CTTNBP2NL: variants seen among roughly 807,000 people sequenced by gnomAD.
The protein encoded by CTTNBP2NL is CTTNBP2 N-terminal like, also known as CTTNBP2 N-terminal-like protein.
In CTTNBP2NL, 16 loss-of-function variants were observed where a neutral mutation model predicts 32.5. The ratio of observed to expected loss-of-function variants is 0.49; its 90% confidence interval spans 0.33 to 0.75. The LOEUF (loss-of-function observed/expected upper bound fraction) is 0.75. Ranked by LOEUF, CTTNBP2NL falls within the 30% of genes least tolerant of loss-of-function variation. The pLI, the probability that CTTNBP2NL is intolerant of heterozygous loss-of-function variation, is 0.02. For synonymous variants in CTTNBP2NL, 298 were observed against 289.4 expected (o/e 1.03, Z -0.30); for missense variants, 645 against 756.0 (o/e 0.85, Z 1.72).
chr1:112,410,582 C>T (rs1249941644), intron 1 of CTTNBP2NL, among the ~76,000 whole-genome samples: 2 of 152,046 alleles, frequency 1.3e-5, no homozygotes, highest in Non-Finnish European at 2.9e-5. Flanking sequence ...GATAATGTAT[C>T]CAGATAATTT....
At chr1:112,423,721 A>T (rs751537578) in intron 3 of CTTNBP2NL, among the ~76,000 whole-genome samples, 1 of 151,774 alleles carries the variant, frequency 6.6e-6, no homozygotes, top group Non-Finnish European at 1.5e-5. Context: ...CAATTTATCA[A>T]TTTTTTTTGT....
At chr1:112,450,653 A>C (rs1385773739) in intron 4 of CTTNBP2NL, among the ~76,000 whole-genome samples, 1 of 152,200 alleles carries the variant, frequency 6.6e-6, no homozygotes, top group African/African-American at 2.4e-5. Context: ...TTGTGTTTCT[A>C]GGTGATTGGA....
chr1:112,394,287 C>G (rs1648257863), upstream of CTTNBP2NL, among the ~76,000 whole-genome samples: 1 of 151,958 alleles, frequency 6.6e-6, no homozygotes, highest in Non-Finnish European at 1.5e-5. Context: ...CAGAAGCCAG[C>G]AGAAAATAGC....
At chr1:112,403,509 A>G (rs764188719) in intron 1 of CTTNBP2NL, among the ~76,000 whole-genome samples, 2 of 152,234 alleles carry the variant, frequency 1.3e-5, no homozygotes, top group Non-Finnish European at 2.9e-5. Flanking sequence ...ATATGTAAAC[A>G]GATGAATTGA....
Position 112,437,667 on chromosome 1 carries a change from G to A in CTTNBP2NL, c.100-11275G>A, listed in dbSNP as rs1649777555. ...GCCTCCCAAGTAGCTGGGACTACAG[G>A]TGCCCACCAGCACACCCAGCTAATT... On this transcript the variant is annotated intron_variant, in intron 3 of 5. Coordinates refer to ENST00000271277, the MANE Select transcript of CTTNBP2NL (RefSeq NM_018704.3). Among the ~76,000 whole-genome samples the A allele has an allele frequency of 2.0e-5, 3 of 152,134 alleles. No individual in the cohort carries two copies. In the South Asian group the frequency reaches 6.2e-4, roughly 32 times the overall value.
At chr1:112,427,895 CAA>C (rs34043965) in intron 3 of CTTNBP2NL, among the ~76,000 whole-genome samples, 1 of 132,912 alleles carries the variant, frequency 7.5e-6, no homozygotes, top group Admixed American at 7.6e-5. Context: ...GACTCTGTCT[CAA>C]AAAAAAAAAA....
At chr1:112,430,538 A>G (rs1324716836) in intron 3 of CTTNBP2NL, among the ~76,000 whole-genome samples, 1 of 127,282 alleles carries the variant, frequency 7.9e-6, no homozygotes, top group Non-Finnish European at 1.6e-5. Context: ...GCACCAGGCC[A>G]TAGCTAGCTT....
At chr1:112,393,372 G>A (rs1223937326), upstream of CTTNBP2NL, among the ~76,000 whole-genome samples, 3 of 152,096 alleles carry the variant, frequency 2.0e-5, no homozygotes, top group Non-Finnish European at 4.4e-5. Flanking sequence ...GAAAAAAATT[G>A]ACACAATCTA....
At chr1:112,439,981 C>A (rs1649850890) in intron 3 of CTTNBP2NL, among the ~76,000 whole-genome samples, 1 of 152,168 alleles carries the variant, frequency 6.6e-6, no homozygotes, top group Admixed American at 6.5e-5. Flanking sequence ...GCTATTTGTT[C>A]ATTGCTGATG....
intron 1 of CTTNBP2NL, among the ~76,000 whole-genome samples, chr1:112,408,220 ATTTTTTTT>A (rs397981257): frequency 1.7e-4 from 18 of 103,760 alleles, no homozygotes; most frequent in Non-Finnish European, 2.8e-4. Flanking sequence ...TTTTTTTTTA[ATTTTTTTT>A]TTTTTTTTTT....
At chr1:112,433,118 A>G (rs1230641656) in intron 3 of CTTNBP2NL, among the ~76,000 whole-genome samples, 1 of 152,006 alleles carries the variant, frequency 6.6e-6, no homozygotes, top group Admixed American at 6.6e-5. Flanking sequence ...CCCTTCCTGT[A>G]GCTCCCATCA....
intron 2 of CTTNBP2NL, among the ~76,000 whole-genome samples, chr1:112,415,162 G>T (rs1471287502): frequency 2.6e-5 from 4 of 152,094 alleles, no homozygotes; most frequent in African/African-American, 9.7e-5. Context: ...CTACACTCCA[G>T]CCTGGGTGAC....
chr1:112,435,087 A>G (rs901108794), intron 3 of CTTNBP2NL, among the ~76,000 whole-genome samples: 2 of 147,042 alleles, frequency 1.4e-5, no homozygotes, highest in African/African-American at 2.5e-5. Context: ...AGATTGTAGC[A>G]AGCCGAGATC....
chr1:112,442,188 C>T (rs1311864259), intron 3 of CTTNBP2NL, among the ~76,000 whole-genome samples: 4 of 152,122 alleles, frequency 2.6e-5, no homozygotes, highest in African/African-American at 7.2e-5. Flanking sequence ...TGCAGTGGCG[C>T]GATCTCGGCT....
At chr1:112,396,416 C>T (rs866607171) in intron 1 of CTTNBP2NL, 144 bp downstream of exon 1, 3 of 152,306 alleles carry the variant, frequency 2.0e-5, no homozygotes, top group Non-Finnish European at 4.4e-5. Flanking sequence ...GCCGTCTCCT[C>T]CACCTCCCGG....
chr1:112,402,981 A>G (rs1009645185), intron 1 of CTTNBP2NL, among the ~76,000 whole-genome samples: 1 of 152,142 alleles, frequency 6.6e-6, no homozygotes, highest in Non-Finnish European at 1.5e-5. Flanking sequence ...TGCTAATGGT[A>G]TCATCATTCT....
rs748253762 is a variant in CTTNBP2NL at position 112,425,698 on chromosome 1, TA to T, written c.99+9449del. On this transcript the variant is annotated intron_variant, in intron 3 of 5. Coordinates refer to ENST00000271277, the MANE Select transcript of CTTNBP2NL (RefSeq NM_018704.3). ...GGGCAACATGGTGAAACCCCTTGTC[TA>T]AAAAAAAAAAAAAATTAGCTGGGTA... Among the ~76,000 whole-genome samples, 773 of 137,030 alleles carry T rather than the reference TA, an allele frequency of 5.6e-3. 2 individuals carry two copies. Among genetic ancestry groups the T allele is most frequent in the Middle Eastern group, 0.011 (3 of 268 alleles). The allele number at this position is 137,030 out of a possible 152,430, so 89.9% of individuals were successfully genotyped here. A position where few individuals can be genotyped will look rare whatever the true frequency, so the allele number is the denominator to read the frequency against.
At chr1:112,413,915 G>T (rs1648974197) in intron 2 of CTTNBP2NL, among the ~76,000 whole-genome samples, 1 of 151,840 alleles carries the variant, frequency 6.6e-6, no homozygotes. Context: ...GGGCATGATG[G>T]CATGTGCCTG....
chr1:112,435,440 G>A (rs1414150813), intron 3 of CTTNBP2NL, among the ~76,000 whole-genome samples: 2 of 152,034 alleles, frequency 1.3e-5, no homozygotes, highest in African/African-American at 4.8e-5. Flanking sequence ...TGTCATACAG[G>A]AGAATGATTT....
Sources: gnomAD v4.1 joint callset for allele counts (sites outside exome capture counted in the v4.1 genomes callset) on GRCh38, gnomAD v4.1.1 for gene constraint, MANE v1.5 for transcripts, NCBI Gene and HGNC (gene_info 2026-07-23, HGNC 2026-07-21) for gene names.